Variants in SLAMF7 observed in about 807,000 individuals in gnomAD.
The protein encoded by SLAMF7 is SLAM family member 7.
Under a neutral mutation model 34.1 loss-of-function variants are expected in SLAMF7, and 26 were observed. The ratio of observed to expected loss-of-function variants is 0.76; its 90% CI spans 0.56 to 1.06. The LOEUF (loss-of-function observed/expected upper bound fraction) is 1.06. SLAMF7 is among the 50% of genes least tolerant of loss of function. SLAMF7 has a pLI of 0.00. For synonymous variants in SLAMF7, 171 were observed against 156.4 expected (o/e 1.09, Z -0.70); for missense variants, 399 against 402.5 (o/e 0.99, Z 0.07).
At chr1:160,749,274 T>G (rs1664367982) in intron 2 of SLAMF7, among the ~76,000 whole-genome samples, 1 of 152,182 alleles carries the variant, frequency 6.6e-6, no homozygotes. Flanking sequence ...ACTGCAACCT[T>G]TAACGTCTCA....
At chr1:160,742,303 A>G (rs1235143463) in intron 1 of SLAMF7, among the ~76,000 whole-genome samples, 1 of 152,182 alleles carries the variant, frequency 6.6e-6, no homozygotes, top group African/African-American at 2.4e-5. Flanking sequence ...TGGCTGGGGC[A>G]AAAGACAAAG....
At chr1:160,739,512 G>A in intron 1 of SLAMF7, 156 bp downstream of exon 1, 2 of 641,434 alleles carry the variant, frequency 3.1e-6, no homozygotes, top group Non-Finnish European at 5.4e-6. Flanking sequence ...TGATTCTCAG[G>A]TCAGGAAGAG....
chr1:160,741,544 C>T (rs140581529), intron 1 of SLAMF7, among the ~76,000 whole-genome samples: 3 of 152,230 alleles, frequency 2.0e-5, no homozygotes, highest in Non-Finnish European at 4.4e-5. Context: ...GATTTCAAAC[C>T]ACTTTGGGTT....
chr1:160,747,431 C>A (rs1664218989), intron 1 of SLAMF7, among the ~76,000 whole-genome samples: 1 of 152,162 alleles, frequency 6.6e-6, no homozygotes, highest in African/African-American at 2.4e-5. Context: ...TGCAATCCAG[C>A]ACTTTGGGAG....
chr1:160,751,779 G>A (rs969354117), intron 5 of SLAMF7: 1 of 158,046 alleles, frequency 6.3e-6, no homozygotes, highest in African/African-American at 2.7e-5. Flanking sequence ...ACTTTGACAG[G>A]ATGTTTGAAT....
chr1:160,745,669 AGGAT>A (rs1664070267), intron 1 of SLAMF7, among the ~76,000 whole-genome samples: 1 of 152,224 alleles, frequency 6.6e-6, no homozygotes. Context: ...GTAGTGAAAA[AGGAT>A]CCATAGACAA....
intron 5 of SLAMF7, 89 bp from the exon 6 acceptor site, chr1:160,752,097 T>C: frequency 1.9e-6 from 2 of 1,073,944 alleles, no homozygotes; most frequent in Non-Finnish European, 2.8e-6. Flanking sequence ...TGCTTTCCCC[T>C]CTCTGGATTC....
At chr1:160,739,491 T>C (rs1369537079) in intron 1 of SLAMF7, 135 bp downstream of exon 1, 5 of 699,214 alleles carry the variant, frequency 7.2e-6, no homozygotes, top group Non-Finnish European at 1.2e-5. Context: ...TTTTTATCAA[T>C]CTCTGATCTC....
intron 1 of SLAMF7, among the ~76,000 whole-genome samples, chr1:160,741,495 G>A (rs539098271): frequency 1.3e-5 from 2 of 152,272 alleles, no homozygotes; most frequent in South Asian, 2.1e-4. Flanking sequence ...GCTCTTTCGT[G>A]AGTACATTCG....
Position 160,739,289 on chromosome 1 carries a change from T to C in SLAMF7, c.-13T>C, listed in dbSNP as rs766012272. 1 of 1,613,796 alleles carries C rather than the reference T, an allele frequency of 6.2e-7. No individual in the cohort carries two copies. Among genetic ancestry groups the C allele is most frequent in the Non-Finnish European group, 8.5e-7 (1 of 1,179,752 alleles). ...AGTGGCTTCATTTCAGTGGCTGACT[T>C]CCAGAGAGCAATATGGCTGGTTCCC... On this transcript the variant is annotated 5_prime_UTR_variant, in exon 1 of 7. Coordinates refer to ENST00000368043, the MANE Select transcript of SLAMF7 (RefSeq NM_021181.5).
At chr1:160,747,774 CTG>C (rs1664251761) in intron 1 of SLAMF7, among the ~76,000 whole-genome samples, 1 of 152,208 alleles carries the variant, frequency 6.6e-6, no homozygotes, top group South Asian at 2.1e-4. Flanking sequence ...TCTCACTGCT[CTG>C]TGTTATTCCC....
In SLAMF7 at chr1:160,751,452, A is replaced by T; in HGVS notation, c.873+4A>T. The T allele has an allele frequency of 6.2e-7, 1 of 1,607,366 alleles. No individual in the cohort carries two copies. The highest frequency in any genetic ancestry group is 1.1e-5 in the South Asian group (1 of 90,950). On this transcript the variant is annotated splice_donor_region_variant and intron_variant, in intron 5 of 6. Coordinates refer to ENST00000368043, the MANE Select transcript of SLAMF7 (RefSeq NM_021181.5). ...CGACACAATCCCTCACACTAATGTG[A>T]GTCCCTTCTCATCTTTCCTGAGAAC...
intron 1 of SLAMF7, among the ~76,000 whole-genome samples, chr1:160,741,849 T>G (rs1045844684): frequency 4.6e-5 from 7 of 152,202 alleles, no homozygotes; most frequent in African/African-American, 1.7e-4. Flanking sequence ...CACCATAACC[T>G]TCTGAATATC....
intron 2 of SLAMF7, among the ~76,000 whole-genome samples, chr1:160,748,834 G>T (rs1413927479): frequency 6.6e-6 from 1 of 152,188 alleles, no homozygotes; most frequent in Non-Finnish European, 1.5e-5. Context: ...TTCCATATCT[G>T]TAGTGGGGAG....
Position 160,753,323 on chromosome 1 carries a change from A to T in SLAMF7, c.*146A>T. The T allele has an allele frequency of 1.5e-6, 1 of 673,306 alleles. No individual in the cohort carries two copies. The highest frequency in any genetic ancestry group is 2.5e-6 in the Non-Finnish European group (1 of 397,444). 41.7% of individuals were successfully genotyped at this position (673,306 alleles called of 1,614,324 possible). A position where few individuals can be genotyped will look rare whatever the true frequency, so the allele number is the denominator to read the frequency against. On this transcript the variant is annotated 3_prime_UTR_variant, in exon 7 of 7. Transcript: ENST00000368043. ...TTTTTTCCAGGATAAATTATCTCTG[A>T]TGCTTCTTTAGATTTAAGAGTTCAT...
intron 1 of SLAMF7, chr1:160,739,601 T>C: frequency 2.4e-6 from 1 of 419,946 alleles, no homozygotes; most frequent in Non-Finnish European, 4.3e-6. Context: ...CTGAAAGAAG[T>C]GGTGCTGGGT....
In SLAMF7 at chr1:160,753,202, C is replaced by A. The variant is rs1472631764; in HGVS notation, c.*25C>A. The A allele has an allele frequency of 1.9e-6, 3 of 1,576,246 alleles. No homozygotes were observed. Among genetic ancestry groups the A allele is most frequent in the South Asian group, 2.3e-5 (2 of 88,060 alleles). ...GACAGCAGTGCACTCCCCTAAGTCT[C>A]TGCTCAAAAAAAAAACAATTCTCGG... On this transcript the variant is annotated 3_prime_UTR_variant, in exon 7 of 7. Coordinates refer to ENST00000368043, the MANE Select transcript of SLAMF7 (RefSeq NM_021181.5).
At chr1:160,748,079 GGTTGTTGT>G (rs1664272419) in intron 1 of SLAMF7, 107 bp from the exon 2 acceptor site, 2 of 997,712 alleles carry the variant, frequency 2.0e-6, no homozygotes, top group Non-Finnish European at 2.9e-6. Flanking sequence ...TTTTCCAGGA[GGTTGTTGT>G]GTTGGACTGA....
At chr1:160,745,294 T>C (rs1335500626) in intron 1 of SLAMF7, among the ~76,000 whole-genome samples, 1 of 152,162 alleles carries the variant, frequency 6.6e-6, no homozygotes, top group Non-Finnish European at 1.5e-5. Flanking sequence ...AGGGAAATTA[T>C]GGTCCAATGG....
Sources: gnomAD v4.1 joint callset for allele counts (sites outside exome capture counted in the v4.1 genomes callset) on GRCh38, gnomAD v4.1.1 for gene constraint, MANE v1.5 for transcripts, NCBI Gene and HGNC (gene_info 2026-07-23, HGNC 2026-07-21) for gene names.